The following IL34 variants were observed in gnomAD, a reference collection of about 807,000 sequenced individuals.
The protein encoded by IL34 is interleukin-34.
A neutral mutation model predicts 25.3 loss-of-function variants in IL34; 17 were observed. That is an observed-to-expected ratio of 0.67 (90% CI 0.46 to 1.01). The LOEUF (loss-of-function observed/expected upper bound fraction) is 1.01, where lower values mean the gene tolerates loss of function less well. IL34 is among the 50% of genes least tolerant of loss of function. The probability of loss-of-function intolerance (pLI) is 0.00; values close to 1 mark genes in which losing one functional copy is unlikely to be tolerated. For missense variants in IL34, 368 were observed against 312.9 expected, an observed-to-expected ratio of 1.18 and a Z score of -1.33; for synonymous variants, 174 against 140.9, an observed-to-expected ratio of 1.23 and a Z score of -1.66.
intron 1 of IL34, among the ~76,000 whole-genome samples, chr16:70,598,694 G>T (rs2050861079): frequency 6.6e-6 from 1 of 152,176 alleles, no homozygotes; most frequent in Non-Finnish European, 1.5e-5. Context: ...AGCCGAGATT[G>T]CACCACTGCA....
chr16:70,655,828 C>G (rs969507190), intron 2 of IL34, among the ~76,000 whole-genome samples: 1 of 152,188 alleles, frequency 6.6e-6, no homozygotes, highest in Non-Finnish European at 1.5e-5. Context: ...CTCTCCTCAG[C>G]CTCCCAAGGT....
At chr16:70,623,460 A>G in intron 1 of IL34, among the ~76,000 whole-genome samples, 1 of 152,198 alleles carries the variant, frequency 6.6e-6, no homozygotes, top group Middle Eastern at 3.4e-3. Context: ...GAGAGTTTAT[A>G]GGCTTTAAAA....
At chr16:70,659,929 T>A in intron 5 of IL34, 68 bp from the exon 6 acceptor site, 2 of 1,501,832 alleles carry the variant, frequency 1.3e-6, no homozygotes, top group African/African-American at 1.4e-5. Flanking sequence ...CACATGCGGC[T>A]TGGCTTAGTG....
At chr16:70,599,293 C>CTTTCTTTCTTTCTTTCTTTATTCT (rs113794220) in intron 1 of IL34, among the ~76,000 whole-genome samples, 3 of 132,796 alleles carry the variant, frequency 2.3e-5, no homozygotes, top group Admixed American at 7.5e-5. Flanking sequence ...TTCTTTCTTT[C>CTTTCTTTCTTTCTTTCTTTATTCT]TTCTTTCTTT....
At chr16:70,623,225 C>T (rs970214969) in intron 1 of IL34, among the ~76,000 whole-genome samples, 24 of 151,730 alleles carry the variant, frequency 1.6e-4, no homozygotes, top group Admixed American at 7.2e-4. Context: ...CAAGTGAAAG[C>T]GAAGAGAGGC....
At chr16:70,625,314 C>T (rs2051367488) in intron 1 of IL34, among the ~76,000 whole-genome samples, 1 of 151,730 alleles carries the variant, frequency 6.6e-6, no homozygotes, top group African/African-American at 2.4e-5. Context: ...GGGGTTCTTA[C>T]CCTCCAGAAA....
chr16:70,642,321 G>A (rs142684936), upstream of IL34, among the ~76,000 whole-genome samples: 1,468 of 138,068 alleles, frequency 0.011, 22 homozygotes, highest in African/African-American at 0.037. Flanking sequence ...TTTTTGAGAC[G>A]GAGTCTCACT....
At chr16:70,644,337 A>G (rs2051856098), upstream of IL34, among the ~76,000 whole-genome samples, 2 of 152,134 alleles carry the variant, frequency 1.3e-5, no homozygotes, top group African/African-American at 4.8e-5. Context: ...AAGTGCTGGG[A>G]TTACAGGTGT....
chr16:70,623,456 T>A (rs1029734166), intron 1 of IL34, among the ~76,000 whole-genome samples: 1 of 151,738 alleles, frequency 6.6e-6, no homozygotes, highest in Non-Finnish European at 1.5e-5. Flanking sequence ...TAAGGAGAGT[T>A]TATAGGCTTT....
rs1024364425 is a variant in IL34, at chr16:70,594,260, C to T, written c.-401+14211C>T. Reference sequence around the variant, plus strand: ...CATCCTATCCATGAACATGGAATATCTCTCCATTTATTTAGATCTTTGCTT... The same window carrying T: ...CATCCTATCCATGAACATGGAATATTTCTCCATTTATTTAGATCTTTGCTT... On this transcript the variant is annotated intron_variant, in intron 1 of 6. Coordinates refer to the IL34 transcript ENST00000429149. Among the ~76,000 whole-genome samples the T allele has an allele frequency of 2.0e-5, 3 of 152,182 alleles. No individual in the cohort carries two copies. The East Asian group carries it at 5.8e-4, about 29-fold the overall frequency.
At chr16:70,648,668 G>T (rs1049598675) in intron 1 of IL34, among the ~76,000 whole-genome samples, 3 of 151,978 alleles carry the variant, frequency 2.0e-5, no homozygotes, top group African/African-American at 4.8e-5. Context: ...CTGGCTGGGG[G>T]ATGAGGGAGA....
chr16:70,657,771 C>T (rs950510513), intron 4 of IL34, among the ~76,000 whole-genome samples: 3 of 152,116 alleles, frequency 2.0e-5, no homozygotes, highest in African/African-American at 7.2e-5. Context: ...ACGAAAAACT[C>T]CATCTCAAAA....
At chr16:70,605,171 C>T (rs892219172) in intron 1 of IL34, among the ~76,000 whole-genome samples, 2 of 151,942 alleles carry the variant, frequency 1.3e-5, no homozygotes, top group Admixed American at 6.6e-5. Context: ...CAAAGGATCC[C>T]GAGAGCCTTG....
At chr16:70,647,231 C>T (rs1373751489) in intron 1 of IL34, among the ~76,000 whole-genome samples, 10 of 152,172 alleles carry the variant, frequency 6.6e-5, no homozygotes, top group Non-Finnish European at 2.9e-5. Context: ...TAGGTCGGGG[C>T]AGGCACTGGG....
chr16:70,620,200 C>T (rs994895633), intron 1 of IL34, among the ~76,000 whole-genome samples: 1 of 152,026 alleles, frequency 6.6e-6, no homozygotes, highest in Admixed American at 6.6e-5. Flanking sequence ...GCCTTTTGAC[C>T]TTTTAGGGTC....
At chr16:70,580,722 A>C (rs2050627204) in intron 1 of IL34, among the ~76,000 whole-genome samples, 1 of 149,842 alleles carries the variant, frequency 6.7e-6, no homozygotes, top group African/African-American at 2.5e-5. Flanking sequence ...TGGAGGTTGC[A>C]GTGAGCCGAG....
At chr16:70,600,785 A>G (rs1225508005) in intron 1 of IL34, among the ~76,000 whole-genome samples, 2 of 152,044 alleles carry the variant, frequency 1.3e-5, no homozygotes, top group Non-Finnish European at 2.9e-5. Context: ...GAAACAGGGA[A>G]TGCTGGGAGA....
rs2051937143 is a variant in IL34 at position 70,646,635 on chromosome 16, C to G, written c.-313C>G. On this transcript the variant is annotated 5_prime_UTR_variant, in exon 1 of 6. Coordinates refer to ENST00000288098, the MANE Select transcript of IL34 (RefSeq NM_001393494.1). The stretch of plus-strand genomic sequence containing the variant: ...GATTCCGAGGGGCCTGCCAGGGACT[C>G]TCTCCTCCTGCTCCTTGGAAAGGAA... 1 of 394,726 alleles carries G rather than the reference C, an allele frequency of 2.5e-6. No homozygotes were observed. The highest frequency in any genetic ancestry group is 4.5e-6 in the Non-Finnish European group (1 of 223,530). 24.5% of individuals were successfully genotyped at this position (394,726 alleles called of 1,614,324 possible).
intron 1 of IL34, among the ~76,000 whole-genome samples, chr16:70,589,494 G>C (rs865779033): frequency 4.6e-5 from 7 of 152,060 alleles, no homozygotes; most frequent in Non-Finnish European, 1.0e-4. Context: ...TGCAGTATTT[G>C]GTTTTCTGCT....
Sources: allele counts gnomAD v4.1 joint callset (sites outside exome capture counted in the v4.1 genomes callset), GRCh38; gene constraint gnomAD v4.1.1; transcripts MANE v1.5; gene names NCBI Gene and HGNC (gene_info 2026-07-23, HGNC 2026-07-21).